Variants in AFF3 observed in about 807,000 individuals in gnomAD.
The protein encoded by AFF3 is AF4/FMR2 family member 3.
A neutral mutation model predicts 129.7 loss-of-function variants in AFF3; 32 were observed. The ratio of observed to expected loss-of-function variants is 0.25; its 90% CI spans 0.19 to 0.33. AFF3 has a LOEUF of 0.33. Among genes scored for constraint, AFF3 ranks in the 10% least tolerant of loss-of-function variants. The pLI is 1.00. For missense variants in AFF3, 1,373 were observed against 1,592.0 expected, an observed-to-expected ratio of 0.86 and a Z score of 2.34; for synonymous variants, 644 against 635.4, an observed-to-expected ratio of 1.01 and a Z score of -0.20.
At chr2:99,742,211 G>T (rs1680777339) in intron 10 of AFF3, among the ~76,000 whole-genome samples, 1 of 152,044 alleles carries the variant, frequency 6.6e-6, no homozygotes, top group Non-Finnish European at 1.5e-5. Flanking sequence ...TTAAAAAGTG[G>T]TATGTGCCTG....
At chr2:99,868,065 T>C (rs1320584435) in intron 7 of AFF3, among the ~76,000 whole-genome samples, 1 of 150,506 alleles carries the variant, frequency 6.6e-6, no homozygotes, top group Non-Finnish European at 1.5e-5. Flanking sequence ...GTACTTGAAG[T>C]ATGTCACTGA....
At chr2:99,868,034 G>A (rs1454450872) in intron 7 of AFF3, among the ~76,000 whole-genome samples, 1 of 104,114 alleles carries the variant, frequency 9.6e-6, no homozygotes, top group Non-Finnish European at 2.0e-5. Flanking sequence ...TTTTTTTTTA[G>A]GTCCTTTGAC....
At chr2:100,060,188 T>C (rs1687150719) in intron 4 of AFF3, among the ~76,000 whole-genome samples, 1 of 152,126 alleles carries the variant, frequency 6.6e-6, no homozygotes, top group African/African-American at 2.4e-5. Context: ...TTGTCACCTT[T>C]ATAGTCACTT....
chr2:99,575,411 C>T lies in AFF3; in HGVS notation c.2918+2916G>A, dbSNP rs1324766834. ...AGTAGCTGGGATTACAGGTGCCTGG[C>T]TAATTTTTTTTTTTTTTTTTTGTAT... is the stretch of plus-strand genomic sequence containing the variant. On this transcript the variant is annotated intron_variant, in intron 18 of 24. Transcript: ENST00000672756. Among the ~76,000 whole-genome samples the T allele has an allele frequency of 4.6e-5, 5 of 108,494 alleles. No homozygotes were observed. In the East Asian group the frequency reaches 1.2e-3, roughly 27 times the overall value. 71.2% of individuals were successfully genotyped at this position (108,494 alleles called of 152,430 possible).
At chr2:99,953,036 G>A (rs1179471841) in intron 7 of AFF3, among the ~76,000 whole-genome samples, 1 of 152,222 alleles carries the variant, frequency 6.6e-6, no homozygotes, top group Non-Finnish European at 1.5e-5. Context: ...AGCACCAAGT[G>A]CTAGTCTTTA....
intron 18 of AFF3, among the ~76,000 whole-genome samples, 154 bp from the exon 19 acceptor site, chr2:99,569,069 T>C (rs1388333030): frequency 1.3e-5 from 2 of 152,252 alleles, no homozygotes; most frequent in East Asian, 3.8e-4. Flanking sequence ...CTACTGCCTG[T>C]ATGTCAAATA....
At chr2:99,892,811 C>T (rs1693672431) in intron 7 of AFF3, among the ~76,000 whole-genome samples, 1 of 152,176 alleles carries the variant, frequency 6.6e-6, no homozygotes, top group Non-Finnish European at 1.5e-5. Context: ...AGTGTTATGG[C>T]CTCTACGCAC....
At chr2:99,670,199 A>G (rs1687028191) in intron 12 of AFF3, among the ~76,000 whole-genome samples, 1 of 152,186 alleles carries the variant, frequency 6.6e-6, no homozygotes, top group Admixed American at 6.5e-5. Flanking sequence ...TCAGGATCAC[A>G]AAGGCAATGG....
At chr2:99,686,500 T>C (rs1375486691) in intron 11 of AFF3, among the ~76,000 whole-genome samples, 4 of 152,208 alleles carry the variant, frequency 2.6e-5, no homozygotes, top group Non-Finnish European at 5.9e-5. Context: ...GTTTCTCTTC[T>C]CAGTCCCATA....
chr2:100,057,651 T>C (rs1233850823), intron 4 of AFF3, among the ~76,000 whole-genome samples: 1 of 152,190 alleles, frequency 6.6e-6, no homozygotes, highest in Non-Finnish European at 1.5e-5. Flanking sequence ...CATCTTGTTT[T>C]CTCACCAATC....
At chr2:99,648,917 A>ACACACTCTCTCTCTCTCTCTCTCTCTCT in intron 13 of AFF3, among the ~76,000 whole-genome samples, 3 of 46,940 alleles carry the variant, frequency 6.4e-5, no homozygotes, top group Non-Finnish European at 9.2e-5. Flanking sequence ...ACACACACAC[A>ACACACTCTCTCTCTCTCTCTCTCTCTCT]CTCTCTCTCT....
At chr2:99,983,376 T>A (rs1188215699) in intron 7 of AFF3, among the ~76,000 whole-genome samples, 1 of 152,168 alleles carries the variant, frequency 6.6e-6, no homozygotes, top group Non-Finnish European at 1.5e-5. Context: ...CTATCTCTGT[T>A]TTTTTTTGTT....
chr2:99,843,464 T>C (rs1393584020), intron 7 of AFF3, among the ~76,000 whole-genome samples: 3 of 152,218 alleles, frequency 2.0e-5, no homozygotes, highest in African/African-American at 7.2e-5. Flanking sequence ...GCCAGGGCTT[T>C]AACAGAGCAT....
intron 7 of AFF3, among the ~76,000 whole-genome samples, chr2:99,907,910 A>G (rs1359830141): frequency 6.6e-6 from 1 of 152,152 alleles, no homozygotes; most frequent in Non-Finnish European, 1.5e-5. Context: ...CCTTCCAAGC[A>G]AAGAGAATCT....
intron 7 of AFF3, among the ~76,000 whole-genome samples, chr2:99,878,937 G>GA (rs938699728): frequency 7.3e-5 from 11 of 151,650 alleles, no homozygotes; most frequent in Admixed American, 2.0e-4. Flanking sequence ...ACAGAAGTTA[G>GA]AAAAAAAACA....
At chr2:99,710,477 G>A (rs141467191) in intron 11 of AFF3, among the ~76,000 whole-genome samples, 7 of 152,152 alleles carry the variant, frequency 4.6e-5, no homozygotes, top group Non-Finnish European at 7.4e-5. Context: ...AGTTGGTCTC[G>A]AACTCCTGAC....
intron 7 of AFF3, among the ~76,000 whole-genome samples, chr2:99,994,665 C>A (rs1489024940): frequency 6.6e-6 from 1 of 152,032 alleles, no homozygotes; most frequent in Non-Finnish European, 1.5e-5. Context: ...GGATATTACT[C>A]CAGGCATACG....
chr2:99,835,180 C>A (rs968700036), intron 8 of AFF3, among the ~76,000 whole-genome samples: 1 of 152,148 alleles, frequency 6.6e-6, no homozygotes, highest in Non-Finnish European at 1.5e-5. Flanking sequence ...CCGGTGGATC[C>A]CTCTCCATAG....
At chr2:99,592,529 T>C (rs1678789265) in intron 15 of AFF3, among the ~76,000 whole-genome samples, 1 of 152,218 alleles carries the variant, frequency 6.6e-6, no homozygotes, top group Admixed American at 6.5e-5. Context: ...AGGGTTCTCA[T>C]GTGTTTAGCT....
Sources: allele counts gnomAD v4.1 joint callset (sites outside exome capture counted in the v4.1 genomes callset), GRCh38; gene constraint gnomAD v4.1.1; transcripts MANE v1.5; gene names NCBI Gene and HGNC (gene_info 2026-07-23, HGNC 2026-07-21).